The following RIGI variants were observed in gnomAD, a reference collection of about 807,000 sequenced individuals.
The protein encoded by RIGI is RNA sensor RIG-I.
At chr9:32,498,662 A>G in the RIGI span, among the ~76,000 whole-genome samples, 2 of 152,178 alleles carry the variant, frequency 1.3e-5, no homozygotes, top group African/African-American at 4.8e-5. Context: ...AAAGGAACAT[A>G]TGTGAACCTA....
chr9:32,491,452 CA>C, the RIGI span: 1 of 1,540,758 alleles, frequency 6.5e-7, no homozygotes. Flanking sequence ...TTAGAATCTT[CA>C]CATAATCTGA....
the RIGI span, among the ~76,000 whole-genome samples, chr9:32,466,690 C>CAAAAAA: frequency 2.9e-5 from 2 of 68,604 alleles, no homozygotes; most frequent in African/African-American, 6.2e-5. Flanking sequence ...AGACCTATCT[C>CAAAAAA]AAAAAAAAAA....
chr9:32,464,468 C>A, the RIGI span, among the ~76,000 whole-genome samples: 8 of 152,272 alleles, frequency 5.3e-5, no homozygotes, highest in Admixed American at 5.2e-4. Context: ...CGGCTCACTG[C>A]AAGCTCTGCC....
chr9:32,494,889 T>C, the RIGI span, among the ~76,000 whole-genome samples: 2 of 152,204 alleles, frequency 1.3e-5, no homozygotes, highest in African/African-American at 4.8e-5. Flanking sequence ...TATTCCATTG[T>C]ATGTGTATAT....
At chr9:32,475,778 C>G in the RIGI span, among the ~76,000 whole-genome samples, 1 of 152,004 alleles carries the variant, frequency 6.6e-6, no homozygotes, top group Non-Finnish European at 1.5e-5. Flanking sequence ...AGAGATAATA[C>G]CACCACAGGC....
chr9:32,499,069 G>A, the RIGI span, among the ~76,000 whole-genome samples: 1 of 150,698 alleles, frequency 6.6e-6, no homozygotes, highest in Non-Finnish European at 1.5e-5. Flanking sequence ...CTATTCAGTA[G>A]TTATAAAATG....
At chr9:32,460,050 G>A in the RIGI span, among the ~76,000 whole-genome samples, 201 of 152,218 alleles carry the variant, frequency 1.3e-3, no homozygotes, top group Non-Finnish European at 2.6e-3. Context: ...ATCATGGGGG[G>A]CCAGTCTTTC....
the RIGI span, among the ~76,000 whole-genome samples, chr9:32,523,213 CTTTATGTGCAGCCAGCAAAAG>C: frequency 6.6e-6 from 1 of 152,174 alleles, no homozygotes; most frequent in African/African-American, 2.4e-5. Context: ...CAGTGATTGG[CTTTATGTGCAGCCAGCAAAAG>C]AACCTAGGCT....
At chr9:32,502,440 C>G in the RIGI span, among the ~76,000 whole-genome samples, 2 of 152,176 alleles carry the variant, frequency 1.3e-5, no homozygotes, top group African/African-American at 4.8e-5. Flanking sequence ...AAACCATTTT[C>G]CCAAGGAGCT....
the RIGI span, among the ~76,000 whole-genome samples, chr9:32,498,620 T>A: frequency 6.6e-6 from 1 of 152,160 alleles, no homozygotes; most frequent in African/African-American, 2.4e-5. Flanking sequence ...ACCAGAATAT[T>A]TGCAACATAT....
the RIGI span, among the ~76,000 whole-genome samples, chr9:32,474,988 C>A: frequency 2.0e-5 from 3 of 152,054 alleles, no homozygotes; most frequent in African/African-American, 7.2e-5. Context: ...AGTCTCACTC[C>A]ATCACTCGGC....
chr9:32,489,317 CTATGTAAG>C, the RIGI span: 1 of 1,514,116 alleles, frequency 6.6e-7, no homozygotes, highest in South Asian at 1.2e-5. Flanking sequence ...AACAGAAAAA[CTATGTAAG>C]TAATGGCAAT....
chr9:32,460,939 G>A, the RIGI span, among the ~76,000 whole-genome samples: 1 of 151,594 alleles, frequency 6.6e-6, no homozygotes, highest in Non-Finnish European at 1.5e-5. Flanking sequence ...CAGGATTCAA[G>A]AAGCTGAACA....
At chr9:32,491,435 A>G in the RIGI span, 2 of 1,584,574 alleles carry the variant, frequency 1.3e-6, no homozygotes, top group African/African-American at 2.7e-5. Flanking sequence ...TTAAGACCAA[A>G]AAAGTCTTAG....
the RIGI span, among the ~76,000 whole-genome samples, chr9:32,461,963 T>C: frequency 6.6e-6 from 1 of 152,192 alleles, no homozygotes; most frequent in South Asian, 2.1e-4. Context: ...AGTCATTCCA[T>C]TCAAGAGCAT....
At chr9:32,468,943 C>T in the RIGI span, among the ~76,000 whole-genome samples, 9 of 152,178 alleles carry the variant, frequency 5.9e-5, no homozygotes, top group East Asian at 9.6e-4. Context: ...AATTATATTT[C>T]GCAATCTAAA....
the RIGI span, chr9:32,457,520 G>T: frequency 1.0e-6 from 1 of 997,478 alleles, no homozygotes; most frequent in Non-Finnish European, 1.4e-6. Flanking sequence ...ATAATCTGAG[G>T]CAAAGAACAG....
chr9:32,521,067 C>T, the RIGI span, among the ~76,000 whole-genome samples: 1 of 140,070 alleles, frequency 7.1e-6, no homozygotes, highest in Non-Finnish European at 1.5e-5. Context: ...ATTGCTTGAA[C>T]CCAGGAGGCA....
chr9:32,481,055 A>G, the RIGI span, among the ~76,000 whole-genome samples: 1 of 152,208 alleles, frequency 6.6e-6, no homozygotes, highest in African/African-American at 2.4e-5. Flanking sequence ...ATGTTCTCTC[A>G]CAATCACCCA....
Sources: gnomAD v4.1 joint callset for allele counts (sites outside exome capture counted in the v4.1 genomes callset) on GRCh38, gnomAD v4.1.1 for gene constraint, MANE v1.5 for transcripts, NCBI Gene and HGNC (gene_info 2026-07-23, HGNC 2026-07-21) for gene names.